The following KIF16B variants were observed in gnomAD, a reference collection of about 807,000 sequenced individuals.
KIF16B encodes the protein kinesin-like protein KIF16B.
Under a neutral mutation model 156.3 loss-of-function variants are expected in KIF16B, and 98 were observed. The observed-to-expected ratio is 0.63, with a 90% CI of 0.53 to 0.74. KIF16B has a LOEUF of 0.74. Ranked by LOEUF, KIF16B falls within the 30% of genes least tolerant of loss-of-function variation. The probability of loss-of-function intolerance (pLI) is 0.00; values close to 1 mark genes in which losing one functional copy is unlikely to be tolerated. For synonymous variants in KIF16B, 564 were observed against 583.7 expected (o/e 0.97, Z 0.49); for missense variants, 1,421 against 1,606.5 (o/e 0.88, Z 1.97).
rs114186647 is a variant in KIF16B at position 16,393,012 on chromosome 20, C to A, written c.1785-11265G>T. On this transcript the variant is annotated intron_variant, in intron 17 of 25. Transcript: ENST00000354981. ...AAAGTTAAATCAATAATGATATAAA[C>A]ATAAAATGAAGAATCATATTCAACG... 4.5e-4 allele frequency among the ~76,000 whole-genome samples: 68 copies of A among 152,118 alleles called. 1 individual carries two copies. The highest frequency in any genetic ancestry group is 1.6e-3 in the African/African-American group (67 of 41,494).
intron 12 of KIF16B, among the ~76,000 whole-genome samples, chr20:16,441,109 C>T (rs940395223): frequency 2.0e-5 from 3 of 152,136 alleles, no homozygotes; most frequent in Admixed American, 2.0e-4. Flanking sequence ...GATGGTTCAT[C>T]AGAAGATTCT....
At chr20:16,354,626 C>T (rs1277182399) in intron 23 of KIF16B, among the ~76,000 whole-genome samples, 1 of 152,086 alleles carries the variant, frequency 6.6e-6, no homozygotes, top group African/African-American at 2.4e-5. Context: ...AATAAGAACC[C>T]ACATAATTGG....
chr20:16,438,145 T>C (rs1000698426), intron 12 of KIF16B, among the ~76,000 whole-genome samples: 4 of 151,744 alleles, frequency 2.6e-5, no homozygotes, highest in Non-Finnish European at 4.4e-5. Context: ...AGACTCCGTC[T>C]CAAAAAAAAA....
At position 16,526,073 on chromosome 20, in the gene KIF16B, T is replaced by C. The variant is rs1400716272; in HGVS notation, c.231+19A>G. On this transcript the variant is annotated intron_variant, in intron 3 of 25. Transcript: ENST00000354981. ...ATGTGAAAATAAATCAACATAAATA[T>C]TTTGAAAATATCATATACCATTTCT... is the stretch of plus-strand genomic sequence containing the variant. The C allele has an allele frequency of 7.4e-7, 1 of 1,343,226 alleles. No individual in the cohort carries two copies. The highest frequency in any genetic ancestry group is 1.0e-6 in the Non-Finnish European group (1 of 958,056). 83.2% of individuals were successfully genotyped at this position (1,343,226 alleles called of 1,614,324 possible). A position where few individuals can be genotyped will look rare whatever the true frequency, so the allele number is the denominator to read the frequency against.
chr20:16,450,857 T>A (rs1347621020), intron 12 of KIF16B, among the ~76,000 whole-genome samples: 1 of 152,230 alleles, frequency 6.6e-6, no homozygotes, highest in Non-Finnish European at 1.5e-5. Context: ...GAGACTTGAA[T>A]GTGCCACTCT....
intron 12 of KIF16B, among the ~76,000 whole-genome samples, chr20:16,471,939 T>C (rs1339134377): frequency 3.3e-5 from 5 of 152,258 alleles, no homozygotes; most frequent in African/African-American, 7.2e-5. Context: ...TTCTTACATA[T>C]AGCTGCAAAC....
At chr20:16,530,181 G>A (rs2069691483) in intron 1 of KIF16B, among the ~76,000 whole-genome samples, 1 of 152,124 alleles carries the variant, frequency 6.6e-6, no homozygotes, top group African/African-American at 2.4e-5. Flanking sequence ...CTATAAAGCA[G>A]GAACACTAAC....
chr20:16,537,291 C>T (rs77616697), intron 1 of KIF16B, among the ~76,000 whole-genome samples: 3 of 152,146 alleles, frequency 2.0e-5, no homozygotes, highest in African/African-American at 7.2e-5. Flanking sequence ...CCTCTTCCCA[C>T]GGTCAACTCC....
chr20:16,294,156 T>C (rs2063350553), intron 25 of KIF16B, among the ~76,000 whole-genome samples: 1 of 152,224 alleles, frequency 6.6e-6, no homozygotes, highest in East Asian at 1.9e-4. Flanking sequence ...TGTATGAGCA[T>C]TGATTTTAAA....
intron 1 of KIF16B, among the ~76,000 whole-genome samples, chr20:16,569,451 GTA>G (rs2071380987): frequency 1.3e-5 from 2 of 152,188 alleles, no homozygotes; most frequent in South Asian, 4.1e-4. Flanking sequence ...TTTGAAATGA[GTA>G]TTACTGCCAC....
chr20:16,470,972 C>T (rs1002750207), intron 12 of KIF16B, among the ~76,000 whole-genome samples: 9 of 152,066 alleles, frequency 5.9e-5, no homozygotes, highest in Admixed American at 2.6e-4. Context: ...TCAGATCCAC[C>T]AGTGAGACAG....
chr20:16,385,408 C>T lies in KIF16B; in HGVS notation c.1785-3661G>A, dbSNP rs201751463. 2.8e-4 allele frequency among the ~76,000 whole-genome samples: 43 copies of T among 152,100 alleles called. No individual in the cohort carries two copies. In the East Asian group the frequency reaches 7.2e-3, roughly 25 times the overall value. On this transcript the variant is annotated intron_variant, in intron 17 of 25. Coordinates refer to ENST00000354981, the MANE Select transcript of KIF16B (RefSeq NM_024704.5). ...ATGACCCTCGGGTTTCTGTCCAAGT[C>T]CTATAGGGGGGCAGGAAGGCAGAAC... is the stretch of plus-strand genomic sequence containing the variant.
intron 17 of KIF16B, among the ~76,000 whole-genome samples, chr20:16,400,435 GT>G (rs1354672734): frequency 1.3e-5 from 2 of 152,176 alleles, no homozygotes; most frequent in African/African-American, 4.8e-5. Context: ...TGCAGCTGTT[GT>G]GGAAAATAGC....
At chr20:16,412,259 TCA>T (rs757110260) in intron 15 of KIF16B, among the ~76,000 whole-genome samples, 47 of 151,812 alleles carry the variant, frequency 3.1e-4, no homozygotes, top group Non-Finnish European at 4.4e-4. Context: ...GGCATAGAGG[TCA>T]CAAGTGGTGT....
chr20:16,450,158 A>AT (rs1568548329), intron 12 of KIF16B, among the ~76,000 whole-genome samples: 1 of 152,234 alleles, frequency 6.6e-6, no homozygotes, highest in Non-Finnish European at 1.5e-5. Flanking sequence ...GCATTTGGTC[A>AT]AAAATCCAAT....
intron 12 of KIF16B, among the ~76,000 whole-genome samples, chr20:16,437,469 A>T (rs1435423994): frequency 2.0e-5 from 3 of 152,220 alleles, no homozygotes; most frequent in Non-Finnish European, 4.4e-5. Context: ...GGCAGGATGT[A>T]TAGGGTGAAT....
chr20:16,430,920 T>C (rs568390634), intron 12 of KIF16B, among the ~76,000 whole-genome samples: 16 of 150,576 alleles, frequency 1.1e-4, no homozygotes, highest in Non-Finnish European at 1.9e-4. Context: ...GCAGCACAAA[T>C]TTAACACATT....
intron 12 of KIF16B, among the ~76,000 whole-genome samples, chr20:16,481,986 G>A (rs562148886): frequency 6.6e-6 from 1 of 152,084 alleles, no homozygotes; most frequent in East Asian, 1.9e-4. Context: ...GTGAGGTTCT[G>A]GGGAACAGAA....
chr20:16,518,997 A>G (rs1465106025), intron 3 of KIF16B, among the ~76,000 whole-genome samples: 1 of 152,162 alleles, frequency 6.6e-6, no homozygotes, highest in East Asian at 1.9e-4. Context: ...GTACAGCCCC[A>G]TGGTCCAATT....
Sources: gnomAD v4.1 joint callset for allele counts (sites outside exome capture counted in the v4.1 genomes callset) on GRCh38, gnomAD v4.1.1 for gene constraint, MANE v1.5 for transcripts, NCBI Gene and HGNC (gene_info 2026-07-23, HGNC 2026-07-21) for gene names.